MSS51: variants seen among roughly 807,000 people sequenced by gnomAD.
The protein encoded by MSS51 is MSS51 mitochondrial translational activator.
MSS51 carries 32 observed loss-of-function variants against 40.2 expected under a neutral mutation model. That is an observed-to-expected ratio of 0.80 (90% confidence interval 0.60 to 1.07). The LOEUF (loss-of-function observed/expected upper bound fraction) is 1.07, where lower values mean the gene tolerates loss of function less well. MSS51 is among the 50% of genes least tolerant of loss of function. The probability of loss-of-function intolerance (pLI) is 0.00; values close to 1 mark genes in which losing one functional copy is unlikely to be tolerated. For missense variants in MSS51, 518 were observed against 568.9 expected (o/e 0.91, Z 0.91); for synonymous variants, 178 against 214.2 (o/e 0.83, Z 1.48).
intron 5 of MSS51, among the ~76,000 whole-genome samples, 161 bp from the exon 6 acceptor site, chr10:73,425,352 G>A (rs1235086795): frequency 1.3e-5 from 2 of 152,024 alleles, no homozygotes; most frequent in African/African-American, 2.4e-5. Context: ...CTGAACCCAA[G>A]TGTAGTACAT....
At position 73,424,510 on chromosome 10, in the gene MSS51, C is replaced by A. The variant is rs760975036; in HGVS notation, c.*43G>T. 6 of 1,468,422 alleles carry A rather than the reference C, an allele frequency of 4.1e-6. No homozygotes were observed. In the South Asian group the frequency reaches 5.7e-5, roughly 14 times the overall value. 91.0% of individuals were successfully genotyped at this position (1,468,422 alleles called of 1,614,324 possible). ...GAACCTGGCATTAGCAGGGTAATTT[C>A]ATCACAAACTCCCCGTTTTCCAGAT... is the stretch of plus-strand genomic sequence containing the variant. On this transcript the variant is annotated 3_prime_UTR_variant, in exon 7 of 7. Coordinates refer to ENST00000299432, the MANE Select transcript of MSS51 (RefSeq NM_001024593.2).
At chr10:73,432,061 CAG>C (rs1441499905) in intron 1 of MSS51, among the ~76,000 whole-genome samples, 3 of 152,174 alleles carry the variant, frequency 2.0e-5, no homozygotes, top group Non-Finnish European at 4.4e-5. Context: ...TTCTTTGAGA[CAG>C]AGTCTCACTC....
rs1391985859 is a variant in MSS51 at position 73,426,059 on chromosome 10, T to A, written c.821A>T (p.Glu274Val). The A allele has an allele frequency of 6.2e-7, 1 of 1,614,150 alleles. No individual in the cohort carries two copies. The highest frequency in any genetic ancestry group is 8.5e-7 in the Non-Finnish European group (1 of 1,180,018). ...TVHVVGASHV[E>V]TFLTRPGDYD... ...GTCCCCTGGGCGAGTAAGAAATGTC[T>A]CCACATGGGAAGCACCAACCACATG... Residue 274 changes from glutamate to valine, a missense_variant, in exon 5 of 7, where the codon GAG (glutamate) becomes GTG (valine). Glu to Val is a moderately radical substitution (Grantham distance 121). Transcript: ENST00000299432.
At chr10:73,425,770 A>G in intron 5 of MSS51, 41 bp downstream of exon 5, 1 of 1,545,536 alleles carries the variant, frequency 6.5e-7, no homozygotes, top group Non-Finnish European at 8.8e-7. Context: ...GAAAATTCTC[A>G]GGGGAGCCAC....
chr10:73,431,851 C>G lies in MSS51; in HGVS notation c.-18+1662G>C, dbSNP rs1189489345. 2.0e-5 allele frequency among the ~76,000 whole-genome samples: 3 copies of G among 152,136 alleles called. No individual in the cohort carries two copies. The East Asian group carries it at 5.8e-4, about 29-fold the overall frequency. ...TTAGATTATCTTAGGGTTTAAGGGT[C>G]ATGTCCTTTTACCAAAAGAGTAAAT... On this transcript the variant is annotated intron_variant, in intron 1 of 6. Transcript: ENST00000299432.
chr10:73,426,962 A>T (rs1393968720), intron 3 of MSS51, among the ~76,000 whole-genome samples: 1 of 152,066 alleles, frequency 6.6e-6, no homozygotes, highest in East Asian at 1.9e-4. Flanking sequence ...ATCTGGAACA[A>T]CTCACTTTTT....
At position 73,425,100 on chromosome 10, in the gene MSS51, G is replaced by A. The variant is rs749585465; in HGVS notation, c.1161C>T (p.Tyr387=). ...CACAAATAGGATGAGGTCAAAACCTGTAAACAGTAATCAATGTAGGAATCT... is the reference window on the plus strand; with the variant it reads ...CACAAATAGGATGAGGTCAAAACCTATAAACAGTAATCAATGTAGGAATCT... The part of the protein sequence containing the change: ...DYKIPTLITV[Y]SHQELVSSLQ... The change falls in exon 6 of 7, where the codon TAC becomes TAT. Residue 387 remains tyrosine (Y), a splice_region_variant and synonymous_variant. Coordinates refer to ENST00000299432, the MANE Select transcript of MSS51 (RefSeq NM_001024593.2). 9.9e-6 allele frequency: 16 copies of A among 1,610,916 alleles called. No homozygotes were observed. The Admixed American group carries it at 2.5e-4, about 25-fold the overall frequency.
chr10:73,428,419 A>C (rs986523925), intron 1 of MSS51, 118 bp from the exon 2 acceptor site: 2 of 744,346 alleles, frequency 2.7e-6, no homozygotes, highest in African/African-American at 3.5e-5. Context: ...CCAGGTTATC[A>C]GTAAGATTTA....
intron 4 of MSS51, 96 bp from the exon 5 acceptor site, chr10:73,426,473 C>A: frequency 1.3e-6 from 2 of 1,575,638 alleles, no homozygotes; most frequent in South Asian, 1.2e-5. Flanking sequence ...GTTCACTCTG[C>A]CAACCTGTGA....
chr10:73,427,233 T>A (rs2055995716), intron 3 of MSS51, among the ~76,000 whole-genome samples: 1 of 151,576 alleles, frequency 6.6e-6, no homozygotes, highest in Admixed American at 6.6e-5. Context: ...AACTTTCAGA[T>A]CTTTCCTCTT....
rs1050735411 is a variant in MSS51, at chr10:73,428,162, G to T, written c.123C>A (p.Ser41Arg). ...VPLTPSKPGP[S>R]IDTLGFFSLD... Reference sequence around the variant, plus strand: ...AGGAGAAGAAGCCAAGTGTGTCAATGCTAGGGCCAGGTTTTGAGGGGGTCA... The same window carrying T: ...AGGAGAAGAAGCCAAGTGTGTCAATTCTAGGGCCAGGTTTTGAGGGGGTCA... Residue 41 changes from serine to arginine, a missense_variant, in exon 2 of 7, where the codon AGC becomes AGA. Physicochemically the swap from Ser to Arg is moderately radical, Grantham distance 110. Coordinates refer to ENST00000299432, the MANE Select transcript of MSS51 (RefSeq NM_001024593.2). The T allele has an allele frequency of 2.5e-6, 4 of 1,614,090 alleles. No individual in the cohort carries two copies. The highest frequency in any genetic ancestry group is 3.4e-6 in the Non-Finnish European group (4 of 1,180,018).
Position 73,426,188 on chromosome 10 carries a change from G to C in MSS51, c.692C>G (p.Ser231Cys). The C allele has an allele frequency of 6.2e-7, 1 of 1,614,214 alleles. No homozygotes were observed. The highest frequency in any genetic ancestry group is 8.5e-7 in the Non-Finnish European group (1 of 1,180,040). Residue 231 changes from serine to cysteine, a missense_variant, in exon 5 of 7, where the codon TCT becomes TGT. Coordinates refer to ENST00000299432, the MANE Select transcript of MSS51 (RefSeq NM_001024593.2). ...PRPDPDVLQG[S>C]LKRLLTDVLS... The stretch of plus-strand genomic sequence containing the variant: ...GACATCTGTCAGCAGCCGCTTCAAA[G>C]ATCCCTGCAGGACATCCGGGTCTGG...
chr10:73,432,821 G>C (rs112450709), intron 1 of MSS51, among the ~76,000 whole-genome samples: 4 of 152,160 alleles, frequency 2.6e-5, no homozygotes, highest in African/African-American at 9.7e-5. Context: ...CCCAGGCCCA[G>C]ACACAGCTTC....
chr10:73,427,931 T>C, intron 2 of MSS51, 133 bp downstream of exon 2: 1 of 1,192,310 alleles, frequency 8.4e-7, no homozygotes, highest in East Asian at 2.5e-5. Context: ...AGTAATATAG[T>C]AACTGGCAAA....
chr10:73,428,215 G>A lies in MSS51; in HGVS notation c.70C>T (p.Pro24Ser), dbSNP rs1458040066. Reference protein sequence around the residue: ...PSSVAPIIMAPTTIVTPVPLT... With the variant: ...PSSVAPIIMASTTIVTPVPLT... ...GGCACAGGGGTCACAATTGTGGTTG[G>A]GGCCATGATGATGGGAGCCACTGAT... is the stretch of plus-strand genomic sequence containing the variant. Residue 24 changes from proline to serine, a missense_variant, in exon 2 of 7, where the codon CCA becomes TCA. Physicochemically the swap from Pro to Ser is moderately conservative, Grantham distance 74. Coordinates refer to ENST00000299432, the MANE Select transcript of MSS51 (RefSeq NM_001024593.2). 1 of 1,614,004 alleles carries A rather than the reference G, an allele frequency of 6.2e-7. No homozygotes were observed. Among genetic ancestry groups the A allele is most frequent in the Non-Finnish European group, 8.5e-7 (1 of 1,180,022 alleles).
At chr10:73,431,863 C>T (rs1201736441) in intron 1 of MSS51, among the ~76,000 whole-genome samples, 1 of 152,088 alleles carries the variant, frequency 6.6e-6, no homozygotes, top group Non-Finnish European at 1.5e-5. Flanking sequence ...TGTCCTTTTA[C>T]CAAAAGAGTA....
intron 1 of MSS51, among the ~76,000 whole-genome samples, chr10:73,430,411 A>G (rs1196986217): frequency 2.0e-5 from 3 of 152,188 alleles, no homozygotes; most frequent in East Asian, 1.9e-4. Context: ...CCACAACTCA[A>G]TAACAAACAA....
At chr10:73,429,653 T>A (rs1340117331) in intron 1 of MSS51, 1 of 456,336 alleles carries the variant, frequency 2.2e-6, no homozygotes. Context: ...CTGTCCTCTT[T>A]CCCTGTCTCA....
chr10:73,426,514 CTCATTTTT>C, intron 4 of MSS51, 85 bp downstream of exon 4: 1 of 1,594,908 alleles, frequency 6.3e-7, no homozygotes, highest in South Asian at 1.1e-5. Context: ...GCCCCACTTC[CTCATTTTT>C]TCATAACAAT....
Sources: gnomAD v4.1 joint callset for allele counts (sites outside exome capture counted in the v4.1 genomes callset) on GRCh38, gnomAD v4.1.1 for gene constraint, MANE v1.5 for transcripts, NCBI Gene and HGNC (gene_info 2026-07-23, HGNC 2026-07-21) for gene names.